The following VCL variants were observed in gnomAD, a reference collection of about 807,000 sequenced individuals.
VCL encodes vinculin.
A neutral mutation model predicts 125.7 loss-of-function variants in VCL; 47 were observed. The observed-to-expected ratio is 0.37, with a 90% confidence interval of 0.30 to 0.48. The LOEUF (loss-of-function observed/expected upper bound fraction) is 0.48, where lower values mean the gene tolerates loss of function less well. Among genes scored for constraint, VCL ranks in the 20% least tolerant of loss-of-function variants. The pLI is 0.99. For missense variants in VCL, 1,069 were observed against 1,455.5 expected, an observed-to-expected ratio of 0.73 and a Z score of 4.32; for synonymous variants, 458 against 514.6, an observed-to-expected ratio of 0.89 and a Z score of 1.49.
intron 2 of VCL, among the ~76,000 whole-genome samples, chr10:74,050,313 C>T (rs1021831719): frequency 3.3e-5 from 5 of 152,258 alleles, no homozygotes; most frequent in Admixed American, 6.5e-5. Context: ...CCCAAAATAC[C>T]ATGTGAAAGG....
Position 74,074,913 on chromosome 10 carries a change from C to G in VCL, c.783+10C>G. The G allele has an allele frequency of 6.2e-7, 1 of 1,614,078 alleles. No individual in the cohort carries two copies. ...TGCCTGGGCCAGCAAGGTACGTGTT[C>G]TTAGTGGAGAAATAAGCAAAATCCC... On this transcript the variant is annotated intron_variant, in intron 6 of 21. Transcript: ENST00000211998.
rs1233180457 is a variant in VCL, at chr10:74,105,352, T to TGGTA, written c.2434_2434+3dup. The TGGTA allele has an allele frequency of 6.2e-7, 1 of 1,611,996 alleles. No individual in the cohort carries two copies. Among genetic ancestry groups the TGGTA allele is most frequent in the African/African-American group, 1.3e-5 (1 of 74,842 alleles). On this transcript the variant is annotated frameshift_variant and splice_region_variant, in exon 16 of 22. Coordinates refer to ENST00000211998, the MANE Select transcript of VCL (RefSeq NM_014000.3). LOFTEE classifies it high-confidence loss of function. ...CTGTGGCTGGAAACATTTCCGACCC[T>TGGTA]GGTAAGCAATGCATGGCACTATGTC...
intron 1 of VCL, 125 bp downstream of exon 1, chr10:73,998,500 GC>G: frequency 4.7e-6 from 5 of 1,061,564 alleles, no homozygotes; most frequent in Non-Finnish European, 3.6e-6. Context: ...GGAGCCAGGC[GC>G]CGAGGGTTCG....
intron 9 of VCL, 102 bp from the exon 10 acceptor site, chr10:74,089,921 T>G: frequency 1.6e-6 from 2 of 1,239,104 alleles, no homozygotes; most frequent in Admixed American, 3.7e-5. Context: ...AAATGATTAC[T>G]GGTATATTAC....
chr10:74,066,961 C>G (rs1301671785), intron 2 of VCL, among the ~76,000 whole-genome samples: 2 of 152,098 alleles, frequency 1.3e-5, no homozygotes, highest in Non-Finnish European at 2.9e-5. Flanking sequence ...AGCCACTGCA[C>G]CTGGCATAAA....
rs200733607 is a variant in VCL at position 73,998,288 on chromosome 10, C to T, written c.81C>T (p.His27=). ...AGATCTCCCACCTGGTGATAATGCA[C>T]GAGGAGGGCGAGGTGGACGGCAAAG... The part of the protein sequence containing the change: ...AQQISHLVIM[H]EEGEVDGKAI... The change falls in exon 1 of 22, where the codon CAC becomes CAT. Residue 27 remains histidine, a synonymous_variant. Coordinates refer to ENST00000211998, the MANE Select transcript of VCL (RefSeq NM_014000.3). 3.1e-4 allele frequency: 502 copies of T among 1,604,596 alleles called. No homozygotes were observed. The highest frequency in any genetic ancestry group is 5.4e-4 in the Admixed American group (32 of 59,154).
At chr10:74,005,752 G>A (rs1287564943) in intron 1 of VCL, among the ~76,000 whole-genome samples, 1 of 152,016 alleles carries the variant, frequency 6.6e-6, no homozygotes, top group African/African-American at 2.4e-5. Context: ...TATAACCTAT[G>A]CACATCCTCC....
chr10:74,101,112 A>T lies in VCL; in HGVS notation c.2022+15A>T. The T allele has an allele frequency of 6.2e-7, 1 of 1,611,896 alleles. No homozygotes were observed. The highest frequency in any genetic ancestry group is 8.5e-7 in the Non-Finnish European group (1 of 1,178,792). On this transcript the variant is annotated intron_variant, in intron 14 of 21. Transcript: ENST00000211998. ...TCACACCCCAGGTTGGGTTTTGCTC[A>T]TTCCTCATACAGTGTTCAGTAAAGA... is the stretch of plus-strand genomic sequence containing the variant.
At chr10:74,107,090 C>G (rs572269291) in intron 16 of VCL, 140 bp from the exon 17 acceptor site, 4 of 1,381,224 alleles carry the variant, frequency 2.9e-6, no homozygotes, top group South Asian at 2.4e-5. Flanking sequence ...CCTGCCTCCC[C>G]CCTTCTTCAA....
chr10:74,011,226 T>A (rs942124162), intron 1 of VCL, among the ~76,000 whole-genome samples: 1 of 141,336 alleles, frequency 7.1e-6, no homozygotes, highest in African/African-American at 2.7e-5. Flanking sequence ...TTAAATTAAG[T>A]ATGTGCATTG....
rs868176466 is a variant in VCL at position 74,087,406 on chromosome 10, C to T, written c.1023-1790C>T. On this transcript the variant is annotated intron_variant, in intron 8 of 21. Transcript: ENST00000211998. Reference sequence around the variant, plus strand: ...TGTCGCCCAGGCTGGAGTGCAGTGGCGTGATCTCGGCTCACTGCAAGCTCT... The same window carrying T: ...TGTCGCCCAGGCTGGAGTGCAGTGGTGTGATCTCGGCTCACTGCAAGCTCT... Among the ~76,000 whole-genome samples, 8 of 139,454 alleles carry T rather than the reference C, an allele frequency of 5.7e-5. 1 individual carries two copies. Among genetic ancestry groups the T allele is most frequent in the Admixed American group, 2.2e-4 (3 of 13,334 alleles). 91.5% of individuals were successfully genotyped at this position (139,454 alleles called of 152,430 possible).
At chr10:74,098,104 C>T (rs1839999127) in intron 13 of VCL, among the ~76,000 whole-genome samples, 1 of 152,142 alleles carries the variant, frequency 6.6e-6, no homozygotes, top group Non-Finnish European at 1.5e-5. Flanking sequence ...CGTGTGGTAC[C>T]ACTCTTCCCC....
At position 74,119,705 on chromosome 10, in the gene VCL, T is replaced by TACA. The variant is rs1840376069; in HGVS notation, c.*1539_*1541dup. Reference sequence around the variant, plus strand: ...GTGTTAGTTCCCAACATCGAATGTGTACAACTTAAGTTGGTCCTTTACACT... The same window carrying TACA: ...GTGTTAGTTCCCAACATCGAATGTGTACAACAACTTAAGTTGGTCCTTTACACT... On this transcript the variant is annotated 3_prime_UTR_variant, in exon 22 of 22. Coordinates refer to ENST00000211998, the MANE Select transcript of VCL (RefSeq NM_014000.3). 6.6e-6 allele frequency: 1 copy of TACA among 152,484 alleles called. No homozygotes were observed. Among genetic ancestry groups the TACA allele is most frequent in the African/African-American group, 2.4e-5 (1 of 41,426 alleles). The allele number at this position is 152,484 out of a possible 1,614,324, so 9.4% of individuals were successfully genotyped here.
At chr10:74,076,144 T>C (rs1171440637) in intron 6 of VCL, 1 of 152,656 alleles carries the variant, frequency 6.6e-6, no homozygotes, top group Non-Finnish European at 1.5e-5. Flanking sequence ...AGTTTCTTTT[T>C]CGCTTAAAAA....
At chr10:74,011,165 CAAAAAAAAAAAAAA>C (rs71021585) in intron 1 of VCL, among the ~76,000 whole-genome samples, 1 of 52,304 alleles carries the variant, frequency 1.9e-5, no homozygotes, top group Non-Finnish European at 3.4e-5. Flanking sequence ...AACTCTATCT[CAAAAAAAAAAAAAA>C]AAAAAAAAAA....
chr10:74,000,832 A>G (rs1444384129), intron 1 of VCL, among the ~76,000 whole-genome samples: 1 of 152,222 alleles, frequency 6.6e-6, no homozygotes, highest in Non-Finnish European at 1.5e-5. Flanking sequence ...AGATGAAAAC[A>G]ATGATATGTA....
chr10:74,013,344 G>A (rs1255522422), intron 1 of VCL, among the ~76,000 whole-genome samples: 4 of 151,834 alleles, frequency 2.6e-5, no homozygotes, highest in Non-Finnish European at 4.4e-5. Context: ...AGAGTCCTGG[G>A]GTGCAGATGG....
intron 1 of VCL, among the ~76,000 whole-genome samples, chr10:74,001,568 A>C (rs1840225839): frequency 6.6e-6 from 1 of 152,190 alleles, no homozygotes; most frequent in African/African-American, 2.4e-5. Context: ...CAAATTGGGA[A>C]GCTTTTAAAA....
chr10:74,007,798 A>G (rs529411720), intron 1 of VCL, among the ~76,000 whole-genome samples: 1 of 151,392 alleles, frequency 6.6e-6, no homozygotes, highest in South Asian at 2.1e-4. Flanking sequence ...GCTCAGCCTA[A>G]ATTTTTTTTT....
Sources: gnomAD v4.1 joint callset for allele counts (sites outside exome capture counted in the v4.1 genomes callset) on GRCh38, gnomAD v4.1.1 for gene constraint, MANE v1.5 for transcripts, NCBI Gene and HGNC (gene_info 2026-07-23, HGNC 2026-07-21) for gene names.